Variants in FNDC8 observed in about 807,000 individuals in gnomAD.
FNDC8 encodes the protein fibronectin type III domain containing 8.
FNDC8 carries 23 observed loss-of-function variants against 24.8 expected under a neutral mutation model. The observed-to-expected ratio is 0.93, with a 90% CI of 0.67 to 1.31. FNDC8 has a LOEUF of 1.31. FNDC8 is among the 40% of genes most tolerant of loss of function. The pLI, the probability that FNDC8 is intolerant of heterozygous loss-of-function variation, is 0.00. For missense variants in FNDC8, 371 were observed against 398.2 expected, an observed-to-expected ratio of 0.93 and a Z score of 0.58; for synonymous variants, 158 against 165.3, an observed-to-expected ratio of 0.96 and a Z score of 0.34.
Position 35,129,334 on chromosome 17 carries a change from T to C in FNDC8, c.586-88T>C, listed in dbSNP as rs1033139630. 2.2e-5 allele frequency: 33 copies of C among 1,525,262 alleles called. No individual in the cohort carries two copies. In the Admixed American group the frequency reaches 3.2e-4, roughly 15 times the overall value. The allele number at this position is 1,525,262 out of a possible 1,614,324, so 94.5% of individuals were successfully genotyped here. A position where few individuals can be genotyped will look rare whatever the true frequency, so the allele number is the denominator to read the frequency against. On this transcript the variant is annotated intron_variant, in intron 2 of 3. Coordinates refer to ENST00000158009, the MANE Select transcript of FNDC8 (RefSeq NM_017559.4). Reference sequence around the variant, plus strand: ...CCCCAGCAGGAGCAGGGGATGGGCATGGGACGTCCTGACCCCAGTTGGGAG... The same window carrying C: ...CCCCAGCAGGAGCAGGGGATGGGCACGGGACGTCCTGACCCCAGTTGGGAG...
chr17:35,125,127 T>C (rs972041347), intron 1 of FNDC8, among the ~76,000 whole-genome samples: 15 of 151,892 alleles, frequency 9.9e-5, no homozygotes, highest in African/African-American at 3.6e-4. Context: ...AGGTTTTTCT[T>C]TGTAATAGCA....
chr17:35,129,247 C>T (rs967486366), intron 2 of FNDC8, 175 bp from the exon 3 acceptor site: 23 of 774,932 alleles, frequency 3.0e-5, no homozygotes, highest in Non-Finnish European at 4.2e-5. Flanking sequence ...GTACATGCTT[C>T]GGGGCAGGGG....
At chr17:35,126,661 C>T (rs1203604296) in intron 1 of FNDC8, among the ~76,000 whole-genome samples, 1 of 152,088 alleles carries the variant, frequency 6.6e-6, no homozygotes, top group African/African-American at 2.4e-5. Context: ...AACCACCGCA[C>T]TCAGCCAATT....
intron 2 of FNDC8, among the ~76,000 whole-genome samples, chr17:35,128,356 A>G (rs2091857057): frequency 6.6e-6 from 1 of 152,258 alleles, no homozygotes; most frequent in Non-Finnish European, 1.5e-5. Context: ...CTATCTTTTA[A>G]TAAGTCCTCC....
rs190183225 is a variant in FNDC8 at position 35,123,100 on chromosome 17, C to A, written c.209+1198C>A. ...GGCTGAGGGAATTACTTGCAGGTCA[C>A]CCACCACATGGGTGAATGACCTGTG... is the stretch of plus-strand genomic sequence containing the variant. On this transcript the variant is annotated intron_variant, in intron 1 of 3. Coordinates refer to ENST00000158009, the MANE Select transcript of FNDC8 (RefSeq NM_017559.4). Among the ~76,000 whole-genome samples, 397 of 152,286 alleles carry A rather than the reference C, an allele frequency of 2.6e-3. 2 individuals are homozygous for A. The highest frequency in any genetic ancestry group is 4.9e-3 in the Admixed American group (75 of 15,296).
At chr17:35,122,835 G>C (rs1280041578) in intron 1 of FNDC8, among the ~76,000 whole-genome samples, 1 of 152,222 alleles carries the variant, frequency 6.6e-6, no homozygotes, top group Admixed American at 6.5e-5. Flanking sequence ...CCTTTAAGGA[G>C]CTCCCAGTCT....
chr17:35,130,455 C>A lies in FNDC8; in HGVS notation c.*21C>A. The A allele has an allele frequency of 6.2e-7, 1 of 1,608,286 alleles. No individual in the cohort carries two copies. Among genetic ancestry groups the A allele is most frequent in the Non-Finnish European group, 8.5e-7 (1 of 1,177,126 alleles). ...GTTAAGGGGGAGGGCCCCAGGACAC[C>A]CCTCACCTACTTTCAGCTTCAACCC... On this transcript the variant is annotated 3_prime_UTR_variant, in exon 4 of 4. Coordinates refer to ENST00000158009, the MANE Select transcript of FNDC8 (RefSeq NM_017559.4).
intron 2 of FNDC8, among the ~76,000 whole-genome samples, chr17:35,127,620 C>A (rs2091854638): frequency 6.6e-6 from 1 of 152,144 alleles, no homozygotes; most frequent in Non-Finnish European, 1.5e-5. Flanking sequence ...GCAAGTGCCA[C>A]CAGGAATTCA....
rs939634005 is a variant in FNDC8 at position 35,127,351 on chromosome 17, T to C, written c.519T>C (p.Ser173=). 4 of 1,605,232 alleles carry C rather than the reference T, an allele frequency of 2.5e-6. No homozygotes were observed. Among genetic ancestry groups the C allele is most frequent in the Admixed American group, 3.4e-5 (2 of 58,156 alleles). Reference sequence around the variant, plus strand: ...CCTCCTCAACGCACTCAGAATCTTCTGTGGTTGTGGACCTGCCGGACACCC... The same window carrying C: ...CCTCCTCAACGCACTCAGAATCTTCCGTGGTTGTGGACCTGCCGGACACCC... The part of the protein sequence containing the change: ...TETSSTHSES[S]VVVDLPDTPF... Residue 173 remains serine, a synonymous_variant, in exon 2 of 4, where the codon TCT becomes TCC. Transcript: ENST00000158009.
rs371477006 is a variant in FNDC8 at position 35,129,274 on chromosome 17, G to A, written c.586-148G>A. On this transcript the variant is annotated intron_variant, in intron 2 of 3. Coordinates refer to ENST00000158009, the MANE Select transcript of FNDC8 (RefSeq NM_017559.4). ...GGGCAGGGGTTCCACACTCAGTGCT[G>A]CAGTACCTTGCACCTTCCATCTGAC... The A allele has an allele frequency of 1.0e-5, 10 of 981,682 alleles. No homozygotes were observed. In the African/African-American group the frequency reaches 1.5e-4, roughly 14 times the overall value. The allele number at this position is 981,682 out of a possible 1,614,324, so 60.8% of individuals were successfully genotyped here.
chr17:35,129,445 C>T lies in FNDC8; in HGVS notation c.609C>T (p.Gly203=). Residue 203 remains glycine (G), a synonymous_variant, in exon 3 of 4, where the codon GGC becomes GGT. Transcript: ENST00000158009. ...TAVISWTYAL[G]KQPVSFYQLL... ...AGATTTCCTGGACCTACGCCTTGGG[C>T]AAGCAGCCGGTCAGTTTCTACCAGC... is the stretch of plus-strand genomic sequence containing the variant. 6.2e-7 allele frequency: 1 copy of T among 1,614,032 alleles called. No individual in the cohort carries two copies. The highest frequency in any genetic ancestry group is 8.5e-7 in the Non-Finnish European group (1 of 1,179,896).
intron 1 of FNDC8, 92 bp from the exon 2 acceptor site, chr17:35,126,950 T>C (rs2091851416): frequency 6.8e-7 from 1 of 1,470,070 alleles, no homozygotes. Context: ...TGGCTGGGGA[T>C]GCTGGTAAGT....
chr17:35,127,407 C>T lies in FNDC8; in HGVS notation c.575C>T (p.Ser192Phe). Residue 192 changes from serine (S) to phenylalanine (F), a missense_variant, in exon 2 of 4, where the codon TCC (serine) becomes TTC (phenylalanine). Ser to Phe is a radical substitution (Grantham distance 155). Transcript: ENST00000158009. ...PFIFEHTVNN[S>F]TAVISWTYAL... is the part of the protein sequence containing the mutation. ...ATCTTTGAGCACACCGTCAACAATT[C>T]CACAGCTGTGGTGCGTTTCCCTTGC... 6.4e-7 allele frequency: 1 copy of T among 1,551,270 alleles called. No homozygotes were observed. The highest frequency in any genetic ancestry group is 8.7e-7 in the Non-Finnish European group (1 of 1,148,570).
rs2091870908 is a variant in FNDC8, at chr17:35,130,554, G to A, written c.*120G>A. ...CTGCGGGCCCGGGGTCTGGCAGAGT[G>A]GTATGGGCACCCCACCCCTGGGCTG... On this transcript the variant is annotated 3_prime_UTR_variant, in exon 4 of 4. Coordinates refer to ENST00000158009, the MANE Select transcript of FNDC8 (RefSeq NM_017559.4). The A allele has an allele frequency of 3.7e-6, 4 of 1,088,294 alleles. No individual in the cohort carries two copies. The highest frequency in any genetic ancestry group is 5.2e-6 in the Non-Finnish European group (4 of 773,136). The allele number at this position is 1,088,294 out of a possible 1,614,324, so 67.4% of individuals were successfully genotyped here.
intron 1 of FNDC8, among the ~76,000 whole-genome samples, chr17:35,126,497 C>CTTTTT (rs71147459): frequency 4.5e-5 from 5 of 112,006 alleles, no homozygotes; most frequent in Admixed American, 9.5e-5. Context: ...ATTTTCTAAG[C>CTTTTT]TTTTTTTTTT....
At chr17:35,126,002 C>A (rs1422352507) in intron 1 of FNDC8, among the ~76,000 whole-genome samples, 1 of 152,120 alleles carries the variant, frequency 6.6e-6, no homozygotes, top group African/African-American at 2.4e-5. Context: ...CTCACTGCAA[C>A]CTCCACCTAC....
At chr17:35,127,498 G>C (rs2091854345) in intron 2 of FNDC8, 81 bp downstream of exon 2, 1 of 1,434,112 alleles carries the variant, frequency 7.0e-7, no homozygotes, top group Non-Finnish European at 9.2e-7. Flanking sequence ...GTGAGAAGGT[G>C]CCTGCCACCT....
intron 2 of FNDC8, among the ~76,000 whole-genome samples, chr17:35,127,646 C>A (rs2091854702): frequency 2.6e-5 from 4 of 152,202 alleles, no homozygotes; most frequent in Admixed American, 2.0e-4. Flanking sequence ...AAAGATATTT[C>A]CAGATGCGGG....
At position 35,127,148 on chromosome 17, in the gene FNDC8, A is replaced by G; in HGVS notation, c.316A>G (p.Asn106Asp). ...CATCAAATTAGCTGTGACCCAGCCCAACAGCAGCTTCTTTGCAGGGATGCT... is the reference window on the plus strand; with the variant it reads ...CATCAAATTAGCTGTGACCCAGCCCGACAGCAGCTTCTTTGCAGGGATGCT... ...NPIKLAVTQPNSSFFAGMLEG... is the reference protein window; with the variant it reads ...NPIKLAVTQPDSSFFAGMLEG... The change falls in exon 2 of 4, where the codon AAC becomes GAC. Residue 106 changes from asparagine to aspartate, a missense_variant. Transcript: ENST00000158009. 6.2e-7 allele frequency: 1 copy of G among 1,614,228 alleles called. No individual in the cohort carries two copies. The highest frequency in any genetic ancestry group is 1.7e-5 in the Admixed American group (1 of 60,018).
Sources: gnomAD v4.1 joint callset for allele counts (sites outside exome capture counted in the v4.1 genomes callset) on GRCh38, gnomAD v4.1.1 for gene constraint, MANE v1.5 for transcripts, NCBI Gene and HGNC (gene_info 2026-07-23, HGNC 2026-07-21) for gene names.